The following PRKCE variants were observed in gnomAD, a reference collection of about 807,000 sequenced individuals.
PRKCE encodes protein kinase C epsilon type.
In PRKCE, 16 loss-of-function variants were observed where a neutral mutation model predicts 85.4. The ratio of observed to expected loss-of-function variants is 0.19; its 90% CI spans 0.13 to 0.28. The LOEUF is 0.28. Among genes scored for constraint, PRKCE ranks in the 10% least tolerant of loss-of-function variants. The pLI, the probability that PRKCE is intolerant of heterozygous loss-of-function variation, is 1.00. For missense variants in PRKCE, 573 were observed against 975.2 expected (o/e 0.59, Z 5.49); for synonymous variants, 388 against 371.5 (o/e 1.04, Z -0.51).
intron 12 of PRKCE, among the ~76,000 whole-genome samples, chr2:46,147,291 C>A: frequency 6.6e-6 from 1 of 152,188 alleles, no homozygotes; most frequent in East Asian, 1.9e-4. Context: ...TCTTCATTGT[C>A]AGAATACTTA....
chr2:45,700,877 C>A (rs561403021), intron 1 of PRKCE, among the ~76,000 whole-genome samples: 2 of 152,258 alleles, frequency 1.3e-5, no homozygotes, highest in African/African-American at 4.8e-5. Flanking sequence ...AGGACAGACA[C>A]AGAGATAGGA....
At chr2:45,659,523 T>A (rs1675536617) in intron 1 of PRKCE, among the ~76,000 whole-genome samples, 1 of 152,156 alleles carries the variant, frequency 6.6e-6, no homozygotes, top group South Asian at 2.1e-4. Flanking sequence ...GGTGAGATTA[T>A]CCCTTACCAT....
chr2:45,898,171 A>G (rs557200611), intron 2 of PRKCE, among the ~76,000 whole-genome samples: 74 of 152,344 alleles, frequency 4.9e-4, no homozygotes, highest in African/African-American at 1.8e-3. Context: ...AGTCTCTAAA[A>G]TCACAACTCA....
intron 2 of PRKCE, among the ~76,000 whole-genome samples, chr2:45,853,473 AT>A (rs1692436538): frequency 6.6e-6 from 1 of 152,042 alleles, no homozygotes; most frequent in African/African-American, 2.4e-5. Context: ...CACTGTGCTA[AT>A]TTTTTCCTGG....
intron 11 of PRKCE, among the ~76,000 whole-genome samples, chr2:46,125,304 G>C (rs891934370): frequency 1.3e-5 from 2 of 152,168 alleles, no homozygotes; most frequent in Admixed American, 1.3e-4. Flanking sequence ...TTGACAAGGA[G>C]GACTGTTTGG....
intron 10 of PRKCE, among the ~76,000 whole-genome samples, chr2:46,085,735 C>CGTTTTTTT (rs1669543714): frequency 9.9e-6 from 1 of 100,996 alleles, no homozygotes; most frequent in African/African-American, 4.7e-5. Context: ...CTGCAAAATC[C>CGTTTTTTT]GTTTTTTTTT....
chr2:46,182,220 A>G (rs1157610012), intron 14 of PRKCE, among the ~76,000 whole-genome samples: 2 of 152,126 alleles, frequency 1.3e-5, no homozygotes, highest in African/African-American at 4.8e-5. Flanking sequence ...CGCCAGGCAC[A>G]GAGGGCCCAT....
At chr2:45,738,033 C>G (rs189471155) in intron 1 of PRKCE, among the ~76,000 whole-genome samples, 1 of 152,110 alleles carries the variant, frequency 6.6e-6, no homozygotes, top group Non-Finnish European at 1.5e-5. Context: ...CCTATGCCAG[C>G]GTCCTCCTCT....
chr2:46,109,499 T>A (rs1478581846), intron 11 of PRKCE, among the ~76,000 whole-genome samples: 1 of 152,176 alleles, frequency 6.6e-6, no homozygotes, highest in Non-Finnish European at 1.5e-5. Context: ...ATTTCAAGTC[T>A]CAATTGTTTA....
chr2:46,090,963 T>C (rs927483819), intron 11 of PRKCE, among the ~76,000 whole-genome samples: 2 of 152,226 alleles, frequency 1.3e-5, no homozygotes, highest in African/African-American at 4.8e-5. Flanking sequence ...GGAATTGATA[T>C]ACAAACTAAT....
In PRKCE at chr2:46,184,928, G is replaced by A; in HGVS notation, c.*47G>A. On this transcript the variant is annotated 3_prime_UTR_variant, in exon 15 of 15. Coordinates refer to ENST00000306156, the MANE Select transcript of PRKCE (RefSeq NM_005400.3). This position sits in a 1 kb window ranked among gnomAD's most constrained non-coding sequence, Gnocchi z 5.0. Reference sequence around the variant, plus strand: ...TGCCGATGCTGCAAGAAGGGGTGCAGAGAAGACTCCTGTGTTGGAGACACT... The same window carrying A: ...TGCCGATGCTGCAAGAAGGGGTGCAAAGAAGACTCCTGTGTTGGAGACACT... The A allele has an allele frequency of 6.3e-7, 1 of 1,596,494 alleles. No homozygotes were observed. Among genetic ancestry groups the A allele is most frequent in the Non-Finnish European group, 8.5e-7 (1 of 1,177,970 alleles).
At chr2:45,883,086 C>G (rs568807847) in intron 2 of PRKCE, among the ~76,000 whole-genome samples, 1 of 152,352 alleles carries the variant, frequency 6.6e-6, no homozygotes, top group African/African-American at 2.4e-5. Flanking sequence ...CTTCTATCTT[C>G]AAATTCACAT....
rs1282470933 is a variant in PRKCE at position 46,068,996 on chromosome 2, G to A, written c.1438-17212G>A. 1.3e-5 allele frequency among the ~76,000 whole-genome samples: 2 copies of A among 152,276 alleles called. No individual in the cohort carries two copies. Among genetic ancestry groups the A allele is most frequent in the African/African-American group, 2.4e-5 (1 of 41,558 alleles). On this transcript the variant is annotated intron_variant, in intron 10 of 14. Coordinates refer to ENST00000306156, the MANE Select transcript of PRKCE (RefSeq NM_005400.3). The surrounding 1 kb of genome is among the most constrained non-coding windows in gnomAD (Gnocchi z 4.3). ...TAGACCTGCAGAATCAGAATATTTG[G>A]GTGTGGAGTCCAGGAATTATGCTAT... is the stretch of plus-strand genomic sequence containing the variant.
At chr2:45,851,505 G>A (rs1265568630) in intron 2 of PRKCE, among the ~76,000 whole-genome samples, 1 of 152,192 alleles carries the variant, frequency 6.6e-6, no homozygotes, top group Non-Finnish European at 1.5e-5. Context: ...ACAGCAGATT[G>A]AGAACAGTGG....
At position 45,652,084 on chromosome 2, in the gene PRKCE, C is replaced by CACA; in HGVS notation, c.-15_-14insAAC. Reference sequence around the variant, plus strand: ...GGGCAGACGGAGTGACCCCGGCCCCCACTCCCCGCCCCGACCATGGTAGTG... The same window carrying CACA: ...GGGCAGACGGAGTGACCCCGGCCCCCACAACTCCCCGCCCCGACCATGGTAGTG... On this transcript the variant is annotated 5_prime_UTR_variant, in exon 1 of 15. Coordinates refer to ENST00000306156, the MANE Select transcript of PRKCE (RefSeq NM_005400.3). This position sits in a 1 kb window ranked among gnomAD's most constrained non-coding sequence, Gnocchi z 7.7. 3 of 1,474,862 alleles carry CACA rather than the reference C, an allele frequency of 2.0e-6. No individual in the cohort carries two copies. The highest frequency in any genetic ancestry group is 2.8e-6 in the Non-Finnish European group (3 of 1,087,686). 91.4% of individuals were successfully genotyped at this position (1,474,862 alleles called of 1,614,324 possible).
chr2:45,874,426 G>C (rs781054690), intron 2 of PRKCE, among the ~76,000 whole-genome samples: 7 of 152,220 alleles, frequency 4.6e-5, no homozygotes, highest in Middle Eastern at 3.2e-3. Flanking sequence ...GAGGAAAGAG[G>C]CTGCTGAGCC....
chr2:45,944,717 G>C (rs1260405587), intron 2 of PRKCE, among the ~76,000 whole-genome samples: 2 of 133,414 alleles, frequency 1.5e-5, no homozygotes, highest in Non-Finnish European at 3.1e-5. Flanking sequence ...GCCTAGGCTA[G>C]TCTCGAAGTC....
intron 1 of PRKCE, among the ~76,000 whole-genome samples, chr2:45,803,643 G>T (rs997911900): frequency 6.6e-6 from 1 of 152,134 alleles, no homozygotes; most frequent in Non-Finnish European, 1.5e-5. Context: ...ATTTACTGAT[G>T]GTTTGGATGT....
At chr2:46,070,459 T>C (rs1667983805) in intron 10 of PRKCE, among the ~76,000 whole-genome samples, 1 of 152,004 alleles carries the variant, frequency 6.6e-6, no homozygotes, top group Non-Finnish European at 1.5e-5. Flanking sequence ...CTGGCCAACA[T>C]GGTGAAATCC....
Sources: gnomAD v4.1 joint callset for allele counts (sites outside exome capture counted in the v4.1 genomes callset) on GRCh38, gnomAD v4.1.1 for gene constraint, Gnocchi (gnomAD v3.1) non-coding constraint, MANE v1.5 for transcripts, NCBI Gene and HGNC (gene_info 2026-07-23, HGNC 2026-07-21) for gene names.